The following WDR33 variants were observed in gnomAD, a reference collection of about 807,000 sequenced individuals.
WDR33 encodes the protein WD repeat domain 33.
WDR33 carries 47 observed loss-of-function variants against 164.9 expected under a neutral mutation model. The ratio of observed to expected loss-of-function variants is 0.29; its 90% CI spans 0.23 to 0.36. The LOEUF is 0.36. Among genes scored for constraint, WDR33 ranks in the 10% least tolerant of loss-of-function variants. The pLI is 1.00. For synonymous variants in WDR33, 505 were observed against 589.0 expected (o/e 0.86, Z 2.06); for missense variants, 1,137 against 1,754.1 (o/e 0.65, Z 6.28).
chr2:127,712,321 G>A lies in WDR33; in HGVS notation c.3308+1262C>T, dbSNP rs1686201881. 6.6e-6 allele frequency among the ~76,000 whole-genome samples: 1 copy of A among 151,990 alleles called. No homozygotes were observed. Among genetic ancestry groups the A allele is most frequent in the African/African-American group, 2.4e-5 (1 of 41,394 alleles). ...TGAGACAGGAGAATCACTTGAACCT[G>A]GAAGGTGGAGGCTGCAGTGAGCCGA... On this transcript the variant is annotated intron_variant, in intron 18 of 21. Transcript: ENST00000322313. This position sits in a 1 kb window ranked among gnomAD's most constrained non-coding sequence, Gnocchi z 4.0.
chr2:127,776,664 C>A (rs1312950658), intron 1 of WDR33, among the ~76,000 whole-genome samples: 6 of 152,116 alleles, frequency 3.9e-5, no homozygotes, highest in Non-Finnish European at 7.4e-5. Context: ...CACCACTGCA[C>A]TCCAGCCTGG....
intron 2 of WDR33, 83 bp from the exon 3 acceptor site, chr2:127,769,084 T>A: frequency 1.3e-6 from 1 of 769,298 alleles, no homozygotes; most frequent in Non-Finnish European, 1.8e-6. Context: ...AATTTGAAAT[T>A]AACAAAATGT....
chr2:127,748,900 A>AG (rs1455615506), intron 7 of WDR33, among the ~76,000 whole-genome samples: 1 of 151,884 alleles, frequency 6.6e-6, no homozygotes, highest in Non-Finnish European at 1.5e-5. Context: ...AAAAAAAAAA[A>AG]AAAAAAGTGC....
rs748116063 is a variant in WDR33, at chr2:127,719,579, G to A, written c.2446C>T (p.Pro816Ser). Residue 816 changes from proline (P) to serine (S), a missense_variant, in exon 16 of 22, where the codon CCA becomes TCA. This residue lies in a region of WDR33 where 867 missense variants were observed against 1,073.0 expected (regional missense o/e 0.81). Coordinates refer to ENST00000322313, the MANE Select transcript of WDR33 (RefSeq NM_018383.5). The surrounding 1 kb of genome is among the most constrained non-coding windows in gnomAD (Gnocchi z 6.5). The stretch of plus-strand genomic sequence containing the variant: ...GGGCCGTGTCCCAGTAGTCCACCTG[G>A]AGGGTGAGGTCCTCTCATCTCTTGA... Reference protein sequence around the residue: ...PPQEMRGPHPPGGLLGHGPQE... With the variant: ...PPQEMRGPHPSGGLLGHGPQE... 1.2e-6 allele frequency: 2 copies of A among 1,613,844 alleles called. No individual in the cohort carries two copies. Among genetic ancestry groups the A allele is most frequent in the Non-Finnish European group, 8.5e-7 (1 of 1,179,982 alleles).
At chr2:127,715,088 C>CTTTTTTTTTT (rs386391178) in intron 17 of WDR33, among the ~76,000 whole-genome samples, 18 of 108,580 alleles carry the variant, frequency 1.7e-4, no homozygotes, top group African/African-American at 2.3e-4. Flanking sequence ...TTCTTTGTTT[C>CTTTTTTTTTT]TTTTTTTTTT....
chr2:127,772,646 C>G (rs764665855), intron 1 of WDR33, among the ~76,000 whole-genome samples: 1 of 151,932 alleles, frequency 6.6e-6, no homozygotes, highest in African/African-American at 2.4e-5. Flanking sequence ...ATTTCAGGAG[C>G]AAAGTACCAC....
intron 1 of WDR33, among the ~76,000 whole-genome samples, chr2:127,786,007 T>C (rs990684090): frequency 2.6e-5 from 4 of 152,232 alleles, no homozygotes; most frequent in Non-Finnish European, 5.9e-5. Flanking sequence ...ATTTTTGCCA[T>C]TCTAAAAGGT....
intron 1 of WDR33, among the ~76,000 whole-genome samples, chr2:127,800,964 T>C (rs776586956): frequency 1.1e-4 from 17 of 152,100 alleles, no homozygotes; most frequent in Admixed American, 2.0e-4. Flanking sequence ...ATTACTATTA[T>C]TGGGCTGTAA....
chr2:127,797,049 G>A lies in WDR33; in HGVS notation c.-24+13963C>T, dbSNP rs372716662. On this transcript the variant is annotated intron_variant, in intron 1 of 21. Coordinates refer to ENST00000322313, the MANE Select transcript of WDR33 (RefSeq NM_018383.5). Reference sequence around the variant, plus strand: ...AGTCATTCCACCACACAAAGCACATGAATGTCCATGAATGATCACCATGGC... The same window carrying A: ...AGTCATTCCACCACACAAAGCACATAAATGTCCATGAATGATCACCATGGC... Among the ~76,000 whole-genome samples the A allele has an allele frequency of 1.1e-4, 16 of 151,980 alleles. 1 individual carries two copies. The highest frequency in any genetic ancestry group is 3.9e-4 in the African/African-American group (16 of 41,286).
intron 1 of WDR33, among the ~76,000 whole-genome samples, chr2:127,804,043 C>T (rs111645183): frequency 0.05 from 7,550 of 152,018 alleles, 267 homozygotes; most frequent in Middle Eastern, 0.11. Context: ...AGATTGGGAC[C>T]GGGTGCGGTG....
intron 7 of WDR33, among the ~76,000 whole-genome samples, chr2:127,743,686 G>A (rs1319746192): frequency 1.3e-5 from 2 of 152,152 alleles, no homozygotes; most frequent in South Asian, 2.1e-4. Flanking sequence ...ACCTAGTGGT[G>A]AGCCAAGGAA....
At chr2:127,750,771 T>C (rs372736111) in intron 7 of WDR33, among the ~76,000 whole-genome samples, 2 of 136,220 alleles carry the variant, frequency 1.5e-5, no homozygotes, top group East Asian at 2.2e-4. Context: ...TACATATATA[T>C]ACACATATAT....
At chr2:127,759,419 G>A (rs562805540) in intron 7 of WDR33, among the ~76,000 whole-genome samples, 3 of 152,250 alleles carry the variant, frequency 2.0e-5, no homozygotes, top group South Asian at 2.1e-4. Context: ...GGCCAGGCAC[G>A]GTGGCTCACG....
In WDR33 at chr2:127,764,294, C is replaced by A; in HGVS notation, c.626+534G>T. ...TTACAGCTGCAAAGCTTGAAGAACCCATTCATTACTCCGTTAATGTTTGCC... is the reference window on the plus strand; with the variant it reads ...TTACAGCTGCAAAGCTTGAAGAACCAATTCATTACTCCGTTAATGTTTGCC... On this transcript the variant is annotated intron_variant, in intron 6 of 21. Transcript: ENST00000322313. This position sits in a 1 kb window ranked among gnomAD's most constrained non-coding sequence, Gnocchi z 6.2. 1 of 1,284,430 alleles carries A rather than the reference C, an allele frequency of 7.8e-7. No homozygotes were observed. The highest frequency in any genetic ancestry group is 2.5e-5 in the South Asian group (1 of 40,170). 79.6% of individuals were successfully genotyped at this position (1,284,430 alleles called of 1,614,324 possible). A position where few individuals can be genotyped will look rare whatever the true frequency, so the allele number is the denominator to read the frequency against.
intron 1 of WDR33, among the ~76,000 whole-genome samples, chr2:127,782,233 C>G (rs528137165): frequency 6.6e-6 from 1 of 151,886 alleles, no homozygotes; most frequent in South Asian, 2.1e-4. Context: ...ATGGTGACAC[C>G]CTGTCTCTAC....
chr2:127,778,976 C>T (rs1359527449), intron 1 of WDR33, among the ~76,000 whole-genome samples: 1 of 152,116 alleles, frequency 6.6e-6, no homozygotes, highest in Non-Finnish European at 1.5e-5. Context: ...TTACTGAATG[C>T]TTCATACAAA....
chr2:127,769,473 TATC>T lies in WDR33; in HGVS notation c.205-475_205-473del, dbSNP rs1236701258. 3.9e-5 allele frequency among the ~76,000 whole-genome samples: 6 copies of T among 152,150 alleles called. No individual in the cohort carries two copies. The East Asian group carries it at 1.2e-3, about 29-fold the overall frequency. ...AAAAAAAAACCTTCCCTCCTCATGT[TATC>T]ATATTAGTCCCCACCCACTCATCCA... is the stretch of plus-strand genomic sequence containing the variant. On this transcript the variant is annotated intron_variant, in intron 2 of 21. Coordinates refer to ENST00000322313, the MANE Select transcript of WDR33 (RefSeq NM_018383.5).
intron 1 of WDR33, among the ~76,000 whole-genome samples, chr2:127,792,540 C>T (rs566791704): frequency 2.9e-5 from 4 of 135,748 alleles, no homozygotes; most frequent in Admixed American, 2.2e-4. Flanking sequence ...GTGCAGTGTG[C>T]GCCTGTAATC....
rs1396712899 is a variant in WDR33, at chr2:127,723,284, T to G, written c.1260A>C (p.Leu420Phe). 6.2e-7 allele frequency: 1 copy of G among 1,613,912 alleles called. No individual in the cohort carries two copies. Among genetic ancestry groups the G allele is most frequent in the Non-Finnish European group, 8.5e-7 (1 of 1,179,996 alleles). Reference protein sequence around the residue: ...KMRDRYNLNLLPGMSEDGVEY... With the variant: ...KMRDRYNLNLFPGMSEDGVEY... The stretch of plus-strand genomic sequence containing the variant: ...CTACTCCATCTTCAGACATTCCAGG[T>G]AAAAGGTTTAGATTATATCGATCTC... The change falls in exon 12 of 22, where the codon TTA (leucine) becomes TTC (phenylalanine). Residue 420 changes from leucine to phenylalanine, a missense_variant. Transcript: ENST00000322313. The surrounding 1 kb of genome is among the most constrained non-coding windows in gnomAD (Gnocchi z 5.9).
Sources: allele counts gnomAD v4.1 joint callset (sites outside exome capture counted in the v4.1 genomes callset), GRCh38; gene constraint gnomAD v4.1.1; regional missense constraint gnomAD v4.1.1; non-coding constraint Gnocchi (gnomAD v3.1); transcripts MANE v1.5; gene names NCBI Gene and HGNC (gene_info 2026-07-23, HGNC 2026-07-21).